The following CFHR2 variants were observed in gnomAD, a reference collection of about 807,000 sequenced individuals.
CFHR2 encodes complement factor H-related protein 2.
A neutral mutation model predicts 21.7 loss-of-function variants in CFHR2; 22 were observed. The ratio of observed to expected loss-of-function variants is 1.01; its 90% confidence interval spans 0.72 to 1.45. The LOEUF is 1.45. CFHR2 is among the 40% of genes most tolerant of loss of function. The pLI is 0.00. For synonymous variants in CFHR2, 98 were observed against 97.4 expected, an observed-to-expected ratio of 1.01 and a Z score of -0.04; for missense variants, 294 against 293.3, an observed-to-expected ratio of 1.00 and a Z score of -0.02.
At chr1:196,944,729 T>G (rs1423982914) in intron 1 of CFHR2, among the ~76,000 whole-genome samples, 59 of 151,450 alleles carry the variant, frequency 3.9e-4, no homozygotes, top group South Asian at 3.1e-3. Context: ...TTTACTGTTT[T>G]GCTGTTTCCT....
chr1:196,949,747 G>A (rs1659656983), intron 2 of CFHR2, 98 bp downstream of exon 2: 16 of 1,470,492 alleles, frequency 1.1e-5, no homozygotes, highest in Non-Finnish European at 1.4e-5. Flanking sequence ...CAGGAGCAGT[G>A]ACCAGAGGAG....
intron 2 of CFHR2, among the ~76,000 whole-genome samples, chr1:196,950,387 G>A (rs148028127): frequency 6.6e-6 from 1 of 152,096 alleles, no homozygotes; most frequent in South Asian, 2.1e-4. Context: ...ATATATAGTA[G>A]CAAGACTTAA....
At chr1:196,950,743 G>A in intron 2 of CFHR2, 109 bp from the exon 3 acceptor site, 1 of 1,262,366 alleles carries the variant, frequency 7.9e-7, no homozygotes, top group African/African-American at 1.5e-5. Context: ...AAAGTGCAGG[G>A]ATTACCAGCT....
chr1:196,954,212 A>G (rs1380920893), intron 3 of CFHR2, among the ~76,000 whole-genome samples: 2 of 152,254 alleles, frequency 1.3e-5, no homozygotes, highest in Admixed American at 6.5e-5. Flanking sequence ...AAGGGGCTAC[A>G]GTCCCCACAC....
At chr1:196,949,018 G>A (rs931659153) in intron 1 of CFHR2, among the ~76,000 whole-genome samples, 6 of 151,912 alleles carry the variant, frequency 3.9e-5, no homozygotes, top group African/African-American at 1.2e-4. Context: ...AAAAAAAATA[G>A]GACAGAGTTT....
Position 196,946,729 on chromosome 1 carries a change from T to A in CFHR2, c.59-2726T>A, listed in dbSNP as rs1378324491. The stretch of plus-strand genomic sequence containing the variant: ...CTCTCCTATGATAACAAAGGTTTCT[T>A]CTGGAATAGTTCCTGAAGGATCTGC... On this transcript the variant is annotated intron_variant, in intron 1 of 4. Transcript: ENST00000367415. Among the ~76,000 whole-genome samples, 12 of 152,320 alleles carry A rather than the reference T, an allele frequency of 7.9e-5. No homozygotes were observed. In the East Asian group the frequency reaches 2.3e-3, roughly 29 times the overall value.
intron 4 of CFHR2, 61 bp downstream of exon 4, chr1:196,958,134 A>C: frequency 1.0e-5 from 15 of 1,502,686 alleles, no homozygotes; most frequent in Non-Finnish European, 1.4e-5. Flanking sequence ...CTGATATTTC[A>C]CTGTTTGTAA....
chr1:196,954,368 G>A (rs763027893), intron 3 of CFHR2, among the ~76,000 whole-genome samples: 2 of 152,224 alleles, frequency 1.3e-5, no homozygotes, highest in African/African-American at 2.4e-5. Flanking sequence ...GCTTTGCAGG[G>A]TTCAGCCCCC....
chr1:196,951,751 A>C (rs1209709700), intron 3 of CFHR2, among the ~76,000 whole-genome samples: 1 of 152,152 alleles, frequency 6.6e-6, no homozygotes, highest in Non-Finnish European at 1.5e-5. Flanking sequence ...TACTATGCCC[A>C]GTAACTTCTG....
At chr1:196,951,526 C>A (rs554190304) in intron 3 of CFHR2, among the ~76,000 whole-genome samples, 1 of 152,074 alleles carries the variant, frequency 6.6e-6, no homozygotes, top group Non-Finnish European at 1.5e-5. Context: ...ATTTGGAAAA[C>A]GATTCTTTTG....
intron 1 of CFHR2, among the ~76,000 whole-genome samples, chr1:196,948,768 C>T (rs1659615109): frequency 6.6e-6 from 1 of 151,174 alleles, no homozygotes. Flanking sequence ...TGGGGCTGAC[C>T]GTATATATAT....
chr1:196,949,396 C>A, intron 1 of CFHR2, 59 bp from the exon 2 acceptor site: 2 of 1,471,612 alleles, frequency 1.4e-6, no homozygotes, highest in South Asian at 1.2e-5. Context: ...AAAATATAGT[C>A]TAGTGATTTA....
At chr1:196,948,574 C>A (rs563193105) in intron 1 of CFHR2, among the ~76,000 whole-genome samples, 1 of 152,268 alleles carries the variant, frequency 6.6e-6, no homozygotes, top group African/African-American at 2.4e-5. Context: ...CCACACCCAA[C>A]CCTCTCATAC....
At position 196,950,998 on chromosome 1, in the gene CFHR2, T is replaced by A; in HGVS notation, c.400T>A (p.Trp134Arg). 6.2e-7 allele frequency: 1 copy of A among 1,613,700 alleles called. No homozygotes were observed. The highest frequency in any genetic ancestry group is 8.5e-7 in the Non-Finnish European group (1 of 1,179,908). The change falls in exon 3 of 5, where the codon TGG (tryptophan) becomes AGG (arginine). Residue 134 changes from tryptophan to arginine, a missense_variant. Physicochemically the swap from Trp to Arg is moderately radical, Grantham distance 101 (BLOSUM62 -3). Transcript: ENST00000367415. ...ENNISCVERG[W>R]STPPKCRSTI... ...CAACATTTCATGTGTAGAACGGGGC[T>A]GGTCCACTCCTCCCAAATGCAGGTC...
rs141775313 is a variant in CFHR2 at position 196,955,137 on chromosome 1, C to T, written c.431-2754C>T. Among the ~76,000 whole-genome samples, 1,134 of 152,252 alleles carry T rather than the reference C, an allele frequency of 7.4e-3. 8 individuals carry two copies. The highest frequency in any genetic ancestry group is 0.014 in the Admixed American group (219 of 15,298). ...GAACATTTTGCTGCTTAGAAATTTC[C>T]TACTCCAGTTACCCTAAATCATCTC... On this transcript the variant is annotated intron_variant, in intron 3 of 4. Coordinates refer to ENST00000367415, the MANE Select transcript of CFHR2 (RefSeq NM_005666.4).
chr1:196,950,569 G>A (rs1288876585), intron 2 of CFHR2, among the ~76,000 whole-genome samples: 3 of 152,198 alleles, frequency 2.0e-5, no homozygotes, highest in African/African-American at 7.2e-5. Flanking sequence ...TGCCTTCTGG[G>A]TTCAAGTGAT....
rs569341039 is a variant in CFHR2 at position 196,959,507 on chromosome 1, T to C, written c.*427T>C. On this transcript the variant is annotated 3_prime_UTR_variant, in exon 5 of 5. Transcript: ENST00000367415. ...ATTACTGGTAACTGAAGGAATTATA[T>C]CTAGACGTTACCCCAGGTATCTTGA... is the stretch of plus-strand genomic sequence containing the variant. 3.9e-5 allele frequency among the ~76,000 whole-genome samples: 6 copies of C among 152,156 alleles called. No homozygotes were observed. The highest frequency in any genetic ancestry group is 1.3e-4 in the Admixed American group (2 of 15,262).
intron 2 of CFHR2, 125 bp downstream of exon 2, chr1:196,949,774 T>C (rs1455017160): frequency 4.9e-6 from 6 of 1,217,532 alleles, no homozygotes; most frequent in Middle Eastern, 1.9e-4. Context: ...AGATGGGAGA[T>C]GTAGTCCTTC....
Position 196,949,570 on chromosome 1 carries a change from T to C in CFHR2, c.174T>C (p.Asn58=). The part of the protein sequence containing the change: ...GEVFYYSCEY[N]FVSPSKSFWT... The stretch of plus-strand genomic sequence containing the variant: ...TTTTCTATTACTCCTGTGAATATAA[T>C]TTTGTGTCTCCTTCAAAATCCTTTT... The change falls in exon 2 of 5, where the codon AAT becomes AAC. Residue 58 remains asparagine, a synonymous_variant. Transcript: ENST00000367415. The C allele has an allele frequency of 6.2e-7, 1 of 1,614,072 alleles. No individual in the cohort carries two copies. The highest frequency in any genetic ancestry group is 8.5e-7 in the Non-Finnish European group (1 of 1,179,972).
Sources: gnomAD v4.1 joint callset for allele counts (sites outside exome capture counted in the v4.1 genomes callset) on GRCh38, gnomAD v4.1.1 for gene constraint, MANE v1.5 for transcripts, NCBI Gene and HGNC (gene_info 2026-07-23, HGNC 2026-07-21) for gene names.